Variants in EYS observed in about 807,000 individuals in gnomAD.
The protein encoded by EYS is EGF-like photoreceptor maintenance factor, also known as protein eyes shut homolog.
EYS carries 250 observed loss-of-function variants against 282.1 expected under a neutral mutation model. The observed-to-expected ratio is 0.89, with a 90% CI of 0.80 to 0.98. The LOEUF is 0.98. EYS is among the 50% of genes least tolerant of loss of function. The pLI is 0.00. For synonymous variants in EYS, 1,355 were observed against 1,282.9 expected, an observed-to-expected ratio of 1.06 and a Z score of -1.20; for missense variants, 4,016 against 3,709.0, an observed-to-expected ratio of 1.08 and a Z score of -2.15.
At chr6:64,480,084 TG>T in intron 26 of EYS, among the ~76,000 whole-genome samples, 1 of 152,032 alleles carries the variant, frequency 6.6e-6, no homozygotes, top group Non-Finnish European at 1.5e-5. Context: ...GAGTAGTAAT[TG>T]TTCTAACCCT....
At chr6:65,579,689 A>T (rs1764804533) in intron 2 of EYS, among the ~76,000 whole-genome samples, 1 of 152,114 alleles carries the variant, frequency 6.6e-6, no homozygotes, top group South Asian at 2.1e-4. Context: ...AAGGTCACCC[A>T]TTCTATCGAG....
chr6:65,088,879 G>A (rs762357238), intron 12 of EYS, among the ~76,000 whole-genome samples: 1 of 152,096 alleles, frequency 6.6e-6, no homozygotes, highest in Non-Finnish European at 1.5e-5. Context: ...AGTCCCAGCT[G>A]CTTCAGCTCC....
intron 41 of EYS, among the ~76,000 whole-genome samples, chr6:63,745,700 TCAAAGAAA>T (rs1769194484): frequency 6.6e-6 from 1 of 152,224 alleles, no homozygotes; most frequent in Non-Finnish European, 1.5e-5. Context: ...TATTATATTT[TCAAAGAAA>T]CAAAGACCAA....
intron 2 of EYS, among the ~76,000 whole-genome samples, chr6:65,560,248 C>A (rs7750155): frequency 0.087 from 12,384 of 142,232 alleles, 722 homozygotes; most frequent in Admixed American, 0.14. Context: ...TAATTATATA[C>A]AATTATTATA....
At chr6:64,851,332 A>T (rs1435519566) in intron 19 of EYS, among the ~76,000 whole-genome samples, 1 of 152,050 alleles carries the variant, frequency 6.6e-6, no homozygotes, top group Non-Finnish European at 1.5e-5. Context: ...TTTTAAAAAA[A>T]TAAGGACATC....
intron 24 of EYS, among the ~76,000 whole-genome samples, chr6:64,616,466 T>C (rs1053314798): frequency 6.6e-6 from 1 of 152,144 alleles, no homozygotes; most frequent in African/African-American, 2.4e-5. Flanking sequence ...CCTGGGAATA[T>C]CCTTTAAGAG....
chr6:64,011,494 T>C (rs1768625961), intron 33 of EYS, among the ~76,000 whole-genome samples: 1 of 152,186 alleles, frequency 6.6e-6, no homozygotes, highest in East Asian at 1.9e-4. Context: ...GGCTTTTCTA[T>C]CTCAGGTTTG....
chr6:64,490,488 G>A (rs1486521159), intron 26 of EYS, among the ~76,000 whole-genome samples: 1 of 150,792 alleles, frequency 6.6e-6, no homozygotes, highest in Non-Finnish European at 1.5e-5. Context: ...ATAACTCAGA[G>A]TCCAAATATT....
chr6:63,743,581 A>G (rs1289021265), intron 41 of EYS, among the ~76,000 whole-genome samples: 1 of 152,168 alleles, frequency 6.6e-6, no homozygotes, highest in Non-Finnish European at 1.5e-5. Context: ...TGTCAGATGG[A>G]AGGACAGGGC....
At chr6:65,527,996 A>G (rs904143669) in intron 2 of EYS, among the ~76,000 whole-genome samples, 1 of 152,184 alleles carries the variant, frequency 6.6e-6, no homozygotes, top group Non-Finnish European at 1.5e-5. Flanking sequence ...ATCAGTTTTT[A>G]AAAACTATTA....
At chr6:63,789,603 T>G (rs1489640455) in intron 37 of EYS, among the ~76,000 whole-genome samples, 1 of 152,236 alleles carries the variant, frequency 6.6e-6, no homozygotes, top group African/African-American at 2.4e-5. Flanking sequence ...AAGGCTGAGA[T>G]GACCTAGCAT....
At chr6:65,080,487 A>G (rs1774201034) in intron 12 of EYS, among the ~76,000 whole-genome samples, 1 of 152,072 alleles carries the variant, frequency 6.6e-6, no homozygotes. Context: ...CAACTTTTAC[A>G]TCTTCTCTTT....
At chr6:65,285,633 A>C (rs1223098772) in intron 12 of EYS, among the ~76,000 whole-genome samples, 2 of 152,018 alleles carry the variant, frequency 1.3e-5, no homozygotes, top group Non-Finnish European at 2.9e-5. Flanking sequence ...TGTAGCTGCA[A>C]AATAACATTT....
intron 8 of EYS, among the ~76,000 whole-genome samples, chr6:65,370,044 T>C (rs1353443946): frequency 6.6e-6 from 1 of 151,608 alleles, no homozygotes; most frequent in Non-Finnish European, 1.5e-5. Context: ...AAAATGTAAT[T>C]GGTAAGGTGA....
chr6:65,111,532 AT>A (rs1166060133), intron 12 of EYS, among the ~76,000 whole-genome samples: 1 of 152,140 alleles, frequency 6.6e-6, no homozygotes, highest in Non-Finnish European at 1.5e-5. Context: ...ACAAACCTTT[AT>A]TTTGGACTGC....
intron 5 of EYS, among the ~76,000 whole-genome samples, chr6:65,454,774 A>G (rs1482471699): frequency 6.6e-6 from 1 of 151,940 alleles, no homozygotes; most frequent in Non-Finnish European, 1.5e-5. Context: ...CTTTTCCTCA[A>G]TGTGTGTTCT....
intron 41 of EYS, among the ~76,000 whole-genome samples, chr6:63,751,528 T>A (rs1368712151): frequency 1.3e-5 from 2 of 152,202 alleles, no homozygotes; most frequent in African/African-American, 4.8e-5. Flanking sequence ...TCTAATAGAT[T>A]AAAAAGAACT....
intron 31 of EYS, among the ~76,000 whole-genome samples, chr6:64,137,425 C>A (rs1022187175): frequency 2.0e-5 from 3 of 152,132 alleles, no homozygotes; most frequent in Admixed American, 6.6e-5. Flanking sequence ...AGAGACCTAG[C>A]ATTTGACCTG....
chr6:64,295,096 C>T (rs939788363), intron 30 of EYS, among the ~76,000 whole-genome samples: 3 of 151,440 alleles, frequency 2.0e-5, no homozygotes, highest in East Asian at 2.0e-4. Flanking sequence ...TGGGTCTGGC[C>T]GGGCACGGTG....
Sources: allele counts gnomAD v4.1 joint callset (sites outside exome capture counted in the v4.1 genomes callset), GRCh38; gene constraint gnomAD v4.1.1; transcripts MANE v1.5; gene names NCBI Gene and HGNC (gene_info 2026-07-23, HGNC 2026-07-21).